Variants in AP1G1 observed in about 807,000 individuals in gnomAD.
AP1G1 encodes the protein AP-1 complex subunit gamma-1.
AP1G1 carries 7 observed loss-of-function variants against 108.3 expected under a neutral mutation model. The ratio of observed to expected loss-of-function variants is 0.06; its 90% CI spans 0.04 to 0.12. The LOEUF is 0.12. AP1G1 is among the 10% of genes least tolerant of loss of function. The probability of loss-of-function intolerance (pLI) is 1.00; values close to 1 mark genes in which losing one functional copy is unlikely to be tolerated. For synonymous variants in AP1G1, 379 were observed against 353.5 expected (o/e 1.07, Z -0.81); for missense variants, 756 against 1,010.7 (o/e 0.75, Z 3.42).
At chr16:71,758,459 C>T (rs774885493) in intron 11 of AP1G1, 1 of 529,874 alleles carries the variant, frequency 1.9e-6, no homozygotes. Context: ...GCCGATGGAT[C>T]ACTCCGTACT....
chr16:71,798,571 G>A (rs2032668552), intron 1 of AP1G1, among the ~76,000 whole-genome samples: 1 of 151,356 alleles, frequency 6.6e-6, no homozygotes, highest in South Asian at 2.1e-4. Flanking sequence ...GAAAATGTCT[G>A]TGACATAAAT....
intron 10 of AP1G1, among the ~76,000 whole-genome samples, chr16:71,759,202 TA>T (rs1211339975): frequency 2.6e-5 from 4 of 152,206 alleles, no homozygotes; most frequent in Non-Finnish European, 5.9e-5. Context: ...CTCACACCTG[TA>T]ATCCCAGCAC....
intron 2 of AP1G1, among the ~76,000 whole-genome samples, chr16:71,787,447 A>T (rs897208356): frequency 1.3e-5 from 2 of 152,168 alleles, no homozygotes; most frequent in African/African-American, 4.8e-5. Context: ...GCCATCACAG[A>T]GCCACAGCAT....
chr16:71,785,942 TGCA>T (rs1298193538), intron 2 of AP1G1, among the ~76,000 whole-genome samples: 1 of 152,098 alleles, frequency 6.6e-6, no homozygotes, highest in Non-Finnish European at 1.5e-5. Flanking sequence ...TGATCATACG[TGCA>T]GGTGACAAAA....
At chr16:71,754,344 GA>G (rs2030665974) in intron 12 of AP1G1, among the ~76,000 whole-genome samples, 1 of 90,592 alleles carries the variant, frequency 1.1e-5, no homozygotes, top group African/African-American at 3.2e-5. Context: ...GAAAGAAAAA[GA>G]AAGAAAGAAA....
chr16:71,731,214 T>C lies in AP1G1; in HGVS notation c.*1844A>G, dbSNP rs1361421252. On this transcript the variant is annotated 3_prime_UTR_variant, in exon 23 of 23. Coordinates refer to ENST00000299980, the MANE Select transcript of AP1G1 (RefSeq NM_001128.6). ...ATTACTGAAAACTATGCAGGAGATA[T>C]TATCCTGTTCTTGACTCAGTCAACC... 1 of 152,474 alleles carries C rather than the reference T, an allele frequency of 6.6e-6. No homozygotes were observed. Among genetic ancestry groups the C allele is most frequent in the Non-Finnish European group, 1.5e-5 (1 of 68,034 alleles). 9.4% of individuals were successfully genotyped at this position (152,474 alleles called of 1,614,324 possible).
chr16:71,734,365 C>G (rs1049802113), intron 22 of AP1G1, among the ~76,000 whole-genome samples: 3 of 152,106 alleles, frequency 2.0e-5, no homozygotes, highest in East Asian at 1.9e-4. Context: ...TCCCCTACCC[C>G]CAAAAACCAG....
chr16:71,792,861 GA>G (rs377287803), intron 1 of AP1G1, among the ~76,000 whole-genome samples: 16 of 144,620 alleles, frequency 1.1e-4, no homozygotes, highest in Middle Eastern at 7.1e-3. Flanking sequence ...CAAAAAGAAA[GA>G]AAAAAAAAAG....
intron 12 of AP1G1, 114 bp downstream of exon 12, chr16:71,755,905 A>G: frequency 2.5e-6 from 3 of 1,190,178 alleles, no homozygotes; most frequent in Middle Eastern, 2.0e-4. Flanking sequence ...TGGCCTCCCA[A>G]ACTGCTGAGA....
At chr16:71,738,200 G>A (rs2045573708) in intron 21 of AP1G1, among the ~76,000 whole-genome samples, 1 of 150,404 alleles carries the variant, frequency 6.6e-6, no homozygotes, top group Admixed American at 6.6e-5. Context: ...AGAGGAACCT[G>A]CCATCACGCC....
rs76230043 is a variant in AP1G1 at position 71,770,650 on chromosome 16, G to C, written c.565+506C>G. On this transcript the variant is annotated intron_variant, in intron 5 of 22. Transcript: ENST00000299980. ...GTGCCATCACACCCAGCTAATTCTG[G>C]TATTTTTTACAGAGATGGGTTCTGA... Among the ~76,000 whole-genome samples, 143 of 152,282 alleles carry C rather than the reference G, an allele frequency of 9.4e-4. 1 individual carries two copies. The highest frequency in any genetic ancestry group is 3.1e-3 in the African/African-American group (130 of 41,564).
chr16:71,756,520 C>T (rs1033955052), intron 11 of AP1G1, among the ~76,000 whole-genome samples: 1 of 152,152 alleles, frequency 6.6e-6, no homozygotes, highest in African/African-American at 2.4e-5. Flanking sequence ...AATAATAATA[C>T]CTATCTGCCT....
chr16:71,808,501 G>C, intron 1 of AP1G1: 1 of 1,269,928 alleles, frequency 7.9e-7, no homozygotes, highest in Non-Finnish European at 1.0e-6. Flanking sequence ...AAGGAGGCCC[G>C]TACCGGCGGG....
At chr16:71,749,125 T>C (rs576474273) in intron 15 of AP1G1, among the ~76,000 whole-genome samples, 1 of 152,100 alleles carries the variant, frequency 6.6e-6, no homozygotes, top group East Asian at 2.0e-4. Context: ...GCCAGGATGG[T>C]CTGGCTAACC....
chr16:71,748,872 G>GC (rs1166618144), intron 15 of AP1G1, among the ~76,000 whole-genome samples: 3 of 151,938 alleles, frequency 2.0e-5, no homozygotes, highest in African/African-American at 7.3e-5. Flanking sequence ...TCACAATGGG[G>GC]CCAGGCAAAG....
At chr16:71,755,893 C>G (rs1032826524) in intron 12 of AP1G1, 126 bp downstream of exon 12, 4 of 1,001,430 alleles carry the variant, frequency 4.0e-6, no homozygotes, top group Non-Finnish European at 5.9e-6. Context: ...ATCCACCTGC[C>G]TTGGCCTCCC....
At chr16:71,752,270 A>T (rs1597046979) in intron 13 of AP1G1, among the ~76,000 whole-genome samples, 1 of 152,190 alleles carries the variant, frequency 6.6e-6, no homozygotes. Context: ...GAAAACTAGG[A>T]AAACATGTCC....
At chr16:71,769,536 CA>C (rs369905839) in intron 6 of AP1G1, 86 bp downstream of exon 6, 2,068 of 1,283,370 alleles carry the variant, frequency 1.6e-3, no homozygotes, top group East Asian at 2.2e-3. Context: ...AGCTTGCTTT[CA>C]AAAAAAAATA....
chr16:71,787,729 T>C (rs951478901), intron 2 of AP1G1, among the ~76,000 whole-genome samples: 1 of 152,196 alleles, frequency 6.6e-6, no homozygotes, highest in Non-Finnish European at 1.5e-5. Context: ...ACACAGTATA[T>C]GGATAACCAC....
Sources: allele counts gnomAD v4.1 joint callset (sites outside exome capture counted in the v4.1 genomes callset), GRCh38; gene constraint gnomAD v4.1.1; transcripts MANE v1.5; gene names NCBI Gene and HGNC (gene_info 2026-07-23, HGNC 2026-07-21).